TSPAN19: variants seen among roughly 807,000 people sequenced by gnomAD.
TSPAN19 encodes tetraspanin-19.
Under a neutral mutation model 35.1 loss-of-function variants are expected in TSPAN19, and 44 were observed. The observed-to-expected ratio is 1.25, with a 90% CI of 0.98 to 1.61. The LOEUF is 1.61. Ranked by LOEUF, TSPAN19 falls within the 40% of genes most tolerant of loss-of-function variation. TSPAN19 has a pLI of 0.00. For synonymous variants in TSPAN19, 79 were observed against 92.0 expected (o/e 0.86, Z 0.81); for missense variants, 290 against 280.0 (o/e 1.04, Z -0.26).
At chr12:85,014,592 A>T in intron 8 of TSPAN19, 37 bp from the exon 9 acceptor site, 1 of 1,468,656 alleles carries the variant, frequency 6.8e-7, no homozygotes, top group Non-Finnish European at 9.4e-7. Flanking sequence ...TTAAAATTTA[A>T]TCAATGATAA....
chr12:85,027,974 C>T lies in TSPAN19; in HGVS notation c.189G>A (p.Met63Ile). 6.3e-7 allele frequency: 1 copy of T among 1,599,180 alleles called. No homozygotes were observed. The highest frequency in any genetic ancestry group is 8.5e-7 in the Non-Finnish European group (1 of 1,171,724). The change falls in exon 4 of 9, where the codon ATG (methionine) becomes ATA (isoleucine). Residue 63 changes from methionine (M) to isoleucine (I), a missense_variant. By Grantham distance (10) the Met-to-Ile change is conservative (BLOSUM62 1). Transcript: ENST00000532498. Reference protein sequence around the residue: ...IVPISQILIGMGSSTVLFCLL... With the variant: ...IVPISQILIGIGSSTVLFCLL... ...GACAAAAAAGAACAGTAGAAGATCC[C>T]ATTCCAATCAAAATTTGAGAAATAG...
chr12:85,022,210 C>T (rs984043644), intron 5 of TSPAN19, among the ~76,000 whole-genome samples: 1 of 151,984 alleles, frequency 6.6e-6, no homozygotes, highest in Non-Finnish European at 1.5e-5. Flanking sequence ...AAAACTCACA[C>T]ACACACAAAC....
In TSPAN19 at chr12:85,029,868, T is replaced by C. The variant is rs1434483328; in HGVS notation, c.66+13A>G. The C allele has an allele frequency of 6.7e-6, 10 of 1,501,476 alleles. No individual in the cohort carries two copies. The highest frequency in any genetic ancestry group is 7.2e-6 in the Non-Finnish European group (8 of 1,110,422). 93.0% of individuals were successfully genotyped at this position (1,501,476 alleles called of 1,614,324 possible). A position where few individuals can be genotyped will look rare whatever the true frequency, so the allele number is the denominator to read the frequency against. On this transcript the variant is annotated intron_variant, in intron 2 of 8. Coordinates refer to ENST00000532498, the MANE Select transcript of TSPAN19 (RefSeq NM_001100917.2). ...TTACATTTTCTTTACTGTATAATTA[T>C]GAAGATTCTTACCAAGAAAGCTCCA...
chr12:85,023,660 G>A (rs766274400), intron 4 of TSPAN19, among the ~76,000 whole-genome samples: 1 of 152,108 alleles, frequency 6.6e-6, no homozygotes, highest in East Asian at 1.9e-4. Flanking sequence ...TAGAGTTGTC[G>A]ATGATGCCAT....
chr12:85,014,808 T>A, intron 8 of TSPAN19: 1 of 287,978 alleles, frequency 3.5e-6, no homozygotes, highest in Non-Finnish European at 6.4e-6. Flanking sequence ...TTTAATTACA[T>A]TAGCTATCAC....
intron 8 of TSPAN19, chr12:85,015,490 C>A (rs1335647702): frequency 6.5e-6 from 1 of 152,706 alleles, no homozygotes; most frequent in Non-Finnish European, 1.4e-5. Context: ...AGAAGTCTGG[C>A]AACTTGCAGA....
At chr12:85,032,765 G>T (rs1009836792) in intron 1 of TSPAN19, among the ~76,000 whole-genome samples, 6 of 152,072 alleles carry the variant, frequency 3.9e-5, no homozygotes, top group African/African-American at 1.2e-4. Context: ...TTAAATATTT[G>T]TAGTGTGAAA....
At chr12:85,024,167 A>G (rs1189604525) in intron 4 of TSPAN19, among the ~76,000 whole-genome samples, 2 of 152,176 alleles carry the variant, frequency 1.3e-5, no homozygotes, top group African/African-American at 4.8e-5. Context: ...TTGGTTCTAA[A>G]GATTGAAAGC....
intron 1 of TSPAN19, among the ~76,000 whole-genome samples, chr12:85,031,330 C>T (rs1345605677): frequency 6.6e-6 from 1 of 152,102 alleles, no homozygotes; most frequent in Non-Finnish European, 1.5e-5. Context: ...TTCAAAGATG[C>T]TATAAATCTA....
chr12:85,024,368 C>G (rs780765279), intron 4 of TSPAN19, among the ~76,000 whole-genome samples: 3 of 152,172 alleles, frequency 2.0e-5, no homozygotes, highest in South Asian at 2.1e-4. Context: ...ATTTCAGACA[C>G]GTAAGCATGA....
intron 8 of TSPAN19, chr12:85,014,791 T>C (rs1236689101): frequency 3.1e-6 from 1 of 327,382 alleles, no homozygotes; most frequent in Non-Finnish European, 5.5e-6. Context: ...AGGAAAAACC[T>C]TTAGGTTTTA....
At chr12:85,035,927 T>C (rs1254056706) in intron 1 of TSPAN19, among the ~76,000 whole-genome samples, 1 of 152,130 alleles carries the variant, frequency 6.6e-6, no homozygotes, top group African/African-American at 2.4e-5. Context: ...TTTTCCTTTT[T>C]CTTTTCTTTT....
intron 5 of TSPAN19, among the ~76,000 whole-genome samples, chr12:85,022,163 C>G (rs1877162421): frequency 6.6e-6 from 1 of 151,856 alleles, no homozygotes; most frequent in South Asian, 2.1e-4. Flanking sequence ...AGCAAAGCAG[C>G]TTTCCAAAAC....
At chr12:85,030,874 G>C (rs369393418) in intron 1 of TSPAN19, among the ~76,000 whole-genome samples, 1 of 152,012 alleles carries the variant, frequency 6.6e-6, no homozygotes, top group African/African-American at 2.4e-5. Context: ...TCTTCTCACT[G>C]TTTTAATTCT....
intron 7 of TSPAN19, 101 bp from the exon 8 acceptor site, chr12:85,016,072 A>G (rs1876776829): frequency 4.0e-6 from 3 of 741,860 alleles, no homozygotes; most frequent in Non-Finnish European, 6.1e-6. Flanking sequence ...GTAATTTACC[A>G]AAGTCTAAAT....
chr12:85,027,769 C>T (rs142412083), intron 4 of TSPAN19, 130 bp downstream of exon 4: 2 of 896,538 alleles, frequency 2.2e-6, no homozygotes, highest in African/African-American at 3.6e-5. Context: ...GGAGGGTGTG[C>T]TTCATTTGAA....
chr12:85,026,512 G>A (rs1203706672), intron 4 of TSPAN19, among the ~76,000 whole-genome samples: 1 of 152,014 alleles, frequency 6.6e-6, no homozygotes, highest in Non-Finnish European at 1.5e-5. Context: ...CTGGTAAGGT[G>A]GTAAAACCCC....
intron 1 of TSPAN19, among the ~76,000 whole-genome samples, chr12:85,033,203 G>A (rs1308481227): frequency 3.9e-5 from 6 of 151,998 alleles, no homozygotes; most frequent in Admixed American, 3.3e-4. Flanking sequence ...AGAGAGATAG[G>A]AAATATTCAA....
chr12:85,024,340 T>A (rs754541985), intron 4 of TSPAN19, among the ~76,000 whole-genome samples: 8 of 152,126 alleles, frequency 5.3e-5, no homozygotes, highest in Non-Finnish European at 1.0e-4. Flanking sequence ...TTTCAGAAAG[T>A]CCTTAGAAAC....
Sources: gnomAD v4.1 joint callset for allele counts (sites outside exome capture counted in the v4.1 genomes callset) on GRCh38, gnomAD v4.1.1 for gene constraint, MANE v1.5 for transcripts, NCBI Gene and HGNC (gene_info 2026-07-23, HGNC 2026-07-21) for gene names.